Variants in DHRSX observed in about 807,000 individuals in gnomAD.
DHRSX encodes dehydrogenase/reductase X-linked, also known as polyprenol dehydrogenase.
A neutral mutation model predicts 34.0 loss-of-function variants in DHRSX; 31 were observed. That is an observed-to-expected ratio of 0.91 (90% CI 0.69 to 1.23). The LOEUF (loss-of-function observed/expected upper bound fraction) is 1.23, where lower values mean the gene tolerates loss of function less well. Ranked by LOEUF, DHRSX falls within the 50% of genes most tolerant of loss-of-function variation. The pLI is 0.00. For synonymous variants in DHRSX, 201 were observed against 183.8 expected (o/e 1.09, Z -0.76); for missense variants, 414 against 428.1 (o/e 0.97, Z 0.29).
intron 3 of DHRSX, among the ~76,000 whole-genome samples, chrX:2,399,427 C>T (rs1213145227): frequency 1.3e-5 from 2 of 149,964 alleles, no homozygotes; most frequent in Non-Finnish European, 3.0e-5. Context: ...AAAACACAGG[C>T]CAGGCGTGAT....
chrX:2,446,749 CAGA>C (rs1298599276), intron 1 of DHRSX, among the ~76,000 whole-genome samples: 2 of 150,508 alleles, frequency 1.3e-5, no homozygotes, highest in Admixed American at 6.6e-5. Context: ...ACACCATGTA[CAGA>C]AGAAGACGTT....
At chrX:2,298,585 C>T (rs2041963393) in intron 3 of DHRSX, among the ~76,000 whole-genome samples, 1 of 140,052 alleles carries the variant, frequency 7.1e-6, no homozygotes, top group Admixed American at 7.4e-5. Flanking sequence ...CAGCAGTTCT[C>T]CTGCAGGCGC....
chrX:2,373,439 AAC>A (rs1224085828), intron 3 of DHRSX, among the ~76,000 whole-genome samples: 1 of 152,038 alleles, frequency 6.6e-6, no homozygotes, highest in Non-Finnish European at 1.5e-5. Context: ...TTTCCACTAA[AAC>A]ACCTGCTCCA....
At chrX:2,468,574 G>A (rs2044534210) in intron 1 of DHRSX, among the ~76,000 whole-genome samples, 1 of 134,852 alleles carries the variant, frequency 7.4e-6, no homozygotes, top group Non-Finnish European at 1.6e-5. Context: ...CGGGACTACT[G>A]CCATGTACAC....
At chrX:2,375,883 G>T (rs1294130081) in intron 3 of DHRSX, among the ~76,000 whole-genome samples, 2 of 136,272 alleles carry the variant, frequency 1.5e-5, no homozygotes, top group Admixed American at 7.4e-5. Context: ...CACCTGCCTC[G>T]GCCTCCCAAA....
chrX:2,450,368 A>T (rs767494562), intron 1 of DHRSX, among the ~76,000 whole-genome samples: 2 of 152,276 alleles, frequency 1.3e-5, no homozygotes, highest in African/African-American at 4.8e-5. Flanking sequence ...AGGCTGAGAC[A>T]GGAGAATCGC....
At chrX:2,447,265 A>G (rs1196376518) in intron 1 of DHRSX, among the ~76,000 whole-genome samples, 5 of 148,362 alleles carry the variant, frequency 3.4e-5, no homozygotes, top group Non-Finnish European at 7.5e-5. Context: ...TTCCCTAAGC[A>G]TGCAGCCAAG....
At chrX:2,276,687 G>T (rs1403950423) in intron 4 of DHRSX, among the ~76,000 whole-genome samples, 2 of 150,394 alleles carry the variant, frequency 1.3e-5, no homozygotes, top group Non-Finnish European at 3.0e-5. Flanking sequence ...CGCTCTCCAA[G>T]CGGAGAACTC....
At chrX:2,246,068 A>T (rs1308403883) in intron 5 of DHRSX, among the ~76,000 whole-genome samples, 12 of 152,002 alleles carry the variant, frequency 7.9e-5, no homozygotes. Context: ...TCACAGGCTC[A>T]CGTCCTTAAA....
At chrX:2,486,316 GACC>G (rs2044927065) in intron 1 of DHRSX, 1 of 151,998 alleles carries the variant, frequency 6.6e-6, no homozygotes, top group Non-Finnish European at 1.5e-5. Flanking sequence ...TTTCAACAAG[GACC>G]ACAACAAAAA....
chrX:2,383,671 T>G (rs2043239510), intron 3 of DHRSX, among the ~76,000 whole-genome samples: 3 of 152,310 alleles, frequency 2.0e-5, no homozygotes, highest in Non-Finnish European at 4.4e-5. Context: ...CCATGGACCA[T>G]CATGGGGCTG....
chrX:2,258,071 A>G (rs1666099603), intron 5 of DHRSX, among the ~76,000 whole-genome samples: 1 of 152,164 alleles, frequency 6.6e-6, no homozygotes, highest in Non-Finnish European at 1.5e-5. Flanking sequence ...ACACAGGGCG[A>G]TGATGACATC....
chrX:2,429,474 G>T (rs185783795), intron 1 of DHRSX, among the ~76,000 whole-genome samples: 2,675 of 150,000 alleles, frequency 0.018, 37 homozygotes, highest in Middle Eastern at 0.034. Flanking sequence ...TTGAGCTGGG[G>T]TCTTACTACA....
intron 3 of DHRSX, among the ~76,000 whole-genome samples, chrX:2,377,501 C>T (rs971216149): frequency 2.0e-5 from 3 of 151,968 alleles, no homozygotes; most frequent in South Asian, 2.1e-4. Flanking sequence ...TGACCTCAGG[C>T]GGTAATGCGT....
At chrX:2,382,229 C>T (rs2043211063) in intron 3 of DHRSX, among the ~76,000 whole-genome samples, 1 of 152,052 alleles carries the variant, frequency 6.6e-6, no homozygotes. Context: ...ATCCCTGAGT[C>T]TTCGGATATT....
intron 3 of DHRSX, chrX:2,338,006 C>CAAAAAA (rs771160369): frequency 7.4e-6 from 1 of 135,056 alleles, no homozygotes; most frequent in African/African-American, 2.8e-5. Context: ...TCAGCTGAGA[C>CAAAAAA]AAAAAAAAAA....
chrX:2,312,972 C>G (rs1191316708), intron 3 of DHRSX, among the ~76,000 whole-genome samples: 1 of 151,754 alleles, frequency 6.6e-6, no homozygotes, highest in African/African-American at 2.4e-5. Flanking sequence ...TTCCTGTAAG[C>G]AACCCCACCC....
At chrX:2,326,054 C>T (rs144779356) in intron 3 of DHRSX, among the ~76,000 whole-genome samples, 2,007 of 152,242 alleles carry the variant, frequency 0.013, 59 homozygotes, top group African/African-American at 0.045. Context: ...AGCAACTCTG[C>T]GATCCATCAG....
At chrX:2,282,472 G>A (rs926194173) in intron 4 of DHRSX, among the ~76,000 whole-genome samples, 2 of 149,476 alleles carry the variant, frequency 1.3e-5, no homozygotes, top group African/African-American at 4.9e-5. Context: ...GAAAGAGAGA[G>A]AAGTGGGACA....
Sources: allele counts gnomAD v4.1 joint callset (sites outside exome capture counted in the v4.1 genomes callset), GRCh38; gene constraint gnomAD v4.1.1; transcripts MANE v1.5; gene names NCBI Gene and HGNC (gene_info 2026-07-23, HGNC 2026-07-21).